The following SH2D4B variants were observed in gnomAD, a reference collection of about 807,000 sequenced individuals.
SH2D4B encodes SH2 domain-containing protein 4B.
In SH2D4B, 45 loss-of-function variants were observed where a neutral mutation model predicts 61.5. That is an observed-to-expected ratio of 0.73 (90% CI 0.58 to 0.94). The LOEUF (loss-of-function observed/expected upper bound fraction) is 0.94. Among genes scored for constraint, SH2D4B ranks in the 40% least tolerant of loss-of-function variants. The pLI is 0.00. For synonymous variants in SH2D4B, 224 were observed against 220.4 expected, an observed-to-expected ratio of 1.02 and a Z score of -0.14; for missense variants, 572 against 574.2, an observed-to-expected ratio of 1.00 and a Z score of 0.04.
In SH2D4B at chr10:80,627,244, G is replaced by A. The variant is rs115950576; in HGVS notation, c.989-7041G>A. On this transcript the variant is annotated intron_variant, in intron 6 of 7. Transcript: ENST00000646907. ...GAGCTGAAATCCTTGGCTCTGAACCGTAATCCTTCAATCCATTTTCCACAC... is the reference window on the plus strand; with the variant it reads ...GAGCTGAAATCCTTGGCTCTGAACCATAATCCTTCAATCCATTTTCCACAC... Among the ~76,000 whole-genome samples, 1,058 of 152,246 alleles carry A rather than the reference G, an allele frequency of 6.9e-3. 13 individuals carry two copies. Among genetic ancestry groups the A allele is most frequent in the African/African-American group, 0.025 (1,022 of 41,540 alleles).
chr10:80,538,276 C>G lies in SH2D4B; in HGVS notation c.-56C>G, dbSNP rs1231632738. ...CAGAGCAGCCCCTCGGGCGTTCTGCCTGGCCCTGCTTCCCCTGCTGGCTGC... is the reference window on the plus strand; with the variant it reads ...CAGAGCAGCCCCTCGGGCGTTCTGCGTGGCCCTGCTTCCCCTGCTGGCTGC... On this transcript the variant is annotated 5_prime_UTR_variant, in exon 1 of 8. Coordinates refer to ENST00000646907, the MANE Select transcript of SH2D4B (RefSeq NM_001388272.1). The surrounding 1 kb of genome is among the most constrained non-coding windows in gnomAD (Gnocchi z 4.8). 1 of 1,283,766 alleles carries G rather than the reference C, an allele frequency of 7.8e-7. No homozygotes were observed. The highest frequency in any genetic ancestry group is 1.5e-5 in the African/African-American group (1 of 64,822). 79.5% of individuals were successfully genotyped at this position (1,283,766 alleles called of 1,614,324 possible).
intron 4 of SH2D4B, among the ~76,000 whole-genome samples, chr10:80,589,855 G>A (rs570633863): frequency 6.6e-6 from 1 of 152,290 alleles, no homozygotes; most frequent in Non-Finnish European, 1.5e-5. Context: ...CGGAATGCCT[G>A]GGAAGTGTGG....
intron 1 of SH2D4B, among the ~76,000 whole-genome samples, chr10:80,545,807 G>A (rs1268864910): frequency 6.6e-6 from 1 of 152,152 alleles, no homozygotes; most frequent in Non-Finnish European, 1.5e-5. Flanking sequence ...GAAAGGCTGT[G>A]TGCTGCACGA....
Position 80,610,294 on chromosome 10 carries a change from C to T in SH2D4B, c.988+743C>T, listed in dbSNP as rs143126867. Among the ~76,000 whole-genome samples, 205 of 152,176 alleles carry T rather than the reference C, an allele frequency of 1.3e-3. 2 individuals are homozygous for T. The highest frequency in any genetic ancestry group is 4.7e-3 in the African/African-American group (196 of 41,524). On this transcript the variant is annotated intron_variant, in intron 6 of 7. Transcript: ENST00000646907. ...GCTCATTTCCTGGACAGAGTGTGCC[C>T]AGTTGGTATTTATCAGATTTACTTA...
intron 6 of SH2D4B, among the ~76,000 whole-genome samples, chr10:80,620,838 A>G (rs1842711332): frequency 6.6e-6 from 1 of 152,210 alleles, no homozygotes; most frequent in African/African-American, 2.4e-5. Flanking sequence ...AATGCTAGTT[A>G]TGGGATTGTA....
rs73307117 is a variant in SH2D4B, at chr10:80,547,134, C to T, written c.184+8619C>T. Among the ~76,000 whole-genome samples the T allele has an allele frequency of 9.1e-3, 1,379 of 152,226 alleles. 22 individuals carry two copies. The highest frequency in any genetic ancestry group is 0.032 in the African/African-American group (1,322 of 41,506). On this transcript the variant is annotated intron_variant, in intron 1 of 7. Coordinates refer to ENST00000646907, the MANE Select transcript of SH2D4B (RefSeq NM_001388272.1). The stretch of plus-strand genomic sequence containing the variant: ...GTTTCATTGCTCCCTGTATGTTTTC[C>T]CTCTGAGGGGCAGTGATAAATGCTT...
At chr10:80,553,692 G>A (rs930179987) in intron 1 of SH2D4B, among the ~76,000 whole-genome samples, 1 of 152,286 alleles carries the variant, frequency 6.6e-6, no homozygotes, top group East Asian at 1.9e-4. Flanking sequence ...AGGGAGTGAT[G>A]GTGGTGGCTT....
rs140225598 is a variant in SH2D4B, at chr10:80,570,281, G to A, written c.312G>A (p.Ala104=). ...EISEELIAER[A]RLQAQREAEE... ...CTGAGGAGCTGATTGCAGAGAGGGCGCGGCTGCAGGCACAGAGGGAAGCTG... is the reference window on the plus strand; with the variant it reads ...CTGAGGAGCTGATTGCAGAGAGGGCACGGCTGCAGGCACAGAGGGAAGCTG... The change falls in exon 2 of 8, where the codon GCG becomes GCA. Residue 104 remains alanine (A), a synonymous_variant. Coordinates refer to ENST00000646907, the MANE Select transcript of SH2D4B (RefSeq NM_001388272.1). 9.7e-5 allele frequency: 156 copies of A among 1,613,620 alleles called. No individual in the cohort carries two copies. The highest frequency in any genetic ancestry group is 7.1e-4 in the African/African-American group (53 of 75,034).
At chr10:80,627,488 T>G (rs1285531170) in intron 6 of SH2D4B, among the ~76,000 whole-genome samples, 2 of 151,926 alleles carry the variant, frequency 1.3e-5, no homozygotes, top group Non-Finnish European at 2.9e-5. Flanking sequence ...CCTTGCCCCC[T>G]CTTGTCCCTT....
At chr10:80,641,900 A>G in intron 7 of SH2D4B, among the ~76,000 whole-genome samples, 1 of 152,192 alleles carries the variant, frequency 6.6e-6, no homozygotes, top group South Asian at 2.1e-4. Context: ...TTAATTACAC[A>G]ATTAGTTCAT....
At chr10:80,602,182 C>T (rs183114962) in intron 4 of SH2D4B, among the ~76,000 whole-genome samples, 3 of 152,260 alleles carry the variant, frequency 2.0e-5, no homozygotes, top group African/African-American at 2.4e-5. Context: ...TGGAAGAGGT[C>T]GTGCGTGGGG....
intron 3 of SH2D4B, among the ~76,000 whole-genome samples, chr10:80,586,243 G>A (rs1378780833): frequency 3.3e-5 from 5 of 152,188 alleles, no homozygotes; most frequent in Non-Finnish European, 7.4e-5. Context: ...AACCACCCAA[G>A]AGCTGAGGAG....
rs564697811 is a variant in SH2D4B at position 80,625,573 on chromosome 10, C to CTTTTTT, written c.989-8708_989-8703dup. On this transcript the variant is annotated intron_variant, in intron 6 of 7. Coordinates refer to ENST00000646907, the MANE Select transcript of SH2D4B (RefSeq NM_001388272.1). ...TTGGTTTTGAATTTTTTTTCTTTTT[C>CTTTTTT]TTTTTTTTTCTTTTTTTGAGACAGA... Among the ~76,000 whole-genome samples the CTTTTTT allele has an allele frequency of 2.9e-4, 39 of 136,604 alleles. 1 individual carries two copies. The highest frequency in any genetic ancestry group is 5.2e-4 in the African/African-American group (18 of 34,322). 89.6% of individuals were successfully genotyped at this position (136,604 alleles called of 152,430 possible). A position where few individuals can be genotyped will look rare whatever the true frequency, so the allele number is the denominator to read the frequency against.
intron 1 of SH2D4B, among the ~76,000 whole-genome samples, chr10:80,546,437 A>T (rs183511253): frequency 6.6e-6 from 1 of 151,630 alleles, no homozygotes; most frequent in Non-Finnish European, 1.5e-5. Flanking sequence ...TACTTGGTGT[A>T]TATTTGCCTG....
intron 3 of SH2D4B, among the ~76,000 whole-genome samples, chr10:80,572,806 G>T (rs1842064685): frequency 6.7e-6 from 1 of 148,656 alleles, no homozygotes; most frequent in Non-Finnish European, 1.5e-5. Context: ...TTTTAGTAGA[G>T]ACGGGGTTTC....
chr10:80,575,234 G>T (rs1448846274), intron 3 of SH2D4B, among the ~76,000 whole-genome samples: 2 of 151,370 alleles, frequency 1.3e-5, no homozygotes, highest in Admixed American at 6.6e-5. Context: ...AATTTAAATG[G>T]AGAATATTTA....
chr10:80,556,386 T>C (rs753405910), intron 1 of SH2D4B, among the ~76,000 whole-genome samples: 5 of 152,206 alleles, frequency 3.3e-5, no homozygotes, highest in African/African-American at 4.8e-5. Flanking sequence ...ATTGCATGAG[T>C]CATTCAGCTT....
chr10:80,602,922 C>T (rs1022225661), intron 4 of SH2D4B, among the ~76,000 whole-genome samples: 2 of 152,164 alleles, frequency 1.3e-5, no homozygotes, highest in South Asian at 2.1e-4. Context: ...TAGAGCCAGG[C>T]ACACCTGGGT....
intron 4 of SH2D4B, among the ~76,000 whole-genome samples, chr10:80,591,579 T>G (rs779410739): frequency 1.2e-4 from 17 of 144,430 alleles, no homozygotes; most frequent in Non-Finnish European, 2.5e-4. Flanking sequence ...TGATCTCAGC[T>G]CACTGCAACC....
Sources: allele counts gnomAD v4.1 joint callset (sites outside exome capture counted in the v4.1 genomes callset), GRCh38; gene constraint gnomAD v4.1.1; non-coding constraint Gnocchi (gnomAD v3.1); transcripts MANE v1.5; gene names NCBI Gene and HGNC (gene_info 2026-07-23, HGNC 2026-07-21).